CDH13: variants seen among roughly 807,000 people sequenced by gnomAD.
The protein encoded by CDH13 is cadherin 13.
Under a neutral mutation model 63.8 loss-of-function variants are expected in CDH13, and 24 were observed. That is an observed-to-expected ratio of 0.38 (90% CI 0.27 to 0.53). The LOEUF is 0.53. CDH13 is among the 20% of genes least tolerant of loss of function. CDH13 has a pLI of 0.85. For synonymous variants in CDH13, 503 were observed against 355.3 expected (o/e 1.42, Z -4.67); for missense variants, 1,049 against 903.1 (o/e 1.16, Z -2.07).
intron 4 of CDH13, among the ~76,000 whole-genome samples, chr16:83,202,320 A>G (rs1018573073): frequency 1.3e-5 from 2 of 152,196 alleles, no homozygotes; most frequent in African/African-American, 4.8e-5. Context: ...GGACAAACTC[A>G]GCAAAAGTTG....
chr16:82,842,419 C>A (rs1019681433), intron 1 of CDH13, among the ~76,000 whole-genome samples: 3 of 151,676 alleles, frequency 2.0e-5, no homozygotes, highest in Non-Finnish European at 4.4e-5. Flanking sequence ...ATTTGTAGTT[C>A]TTCACACTGT....
Position 83,131,460 on chromosome 16 carries a change from G to A in CDH13, c.483+5959G>A, listed in dbSNP as rs558238324. 2.6e-5 allele frequency among the ~76,000 whole-genome samples: 4 copies of A among 152,220 alleles called. No homozygotes were observed. In the East Asian group the frequency reaches 7.7e-4, roughly 29 times the overall value. The stretch of plus-strand genomic sequence containing the variant: ...AGAGGAACATGCAGATCCCAAAGTG[G>A]CTTTTTCCCCTCCCCCTTCAAAGTA... On this transcript the variant is annotated intron_variant, in intron 4 of 13. Coordinates refer to ENST00000567109, the MANE Select transcript of CDH13 (RefSeq NM_001257.5).
intron 1 of CDH13, among the ~76,000 whole-genome samples, chr16:82,816,824 G>GA (rs2037740046): frequency 7.0e-6 from 1 of 143,370 alleles, no homozygotes; most frequent in South Asian, 2.5e-4. Flanking sequence ...GGGTGGGGGG[G>GA]AATGACTCAT....
chr16:82,869,868 C>G (rs2040283961), intron 2 of CDH13, among the ~76,000 whole-genome samples: 1 of 152,156 alleles, frequency 6.6e-6, no homozygotes, highest in African/African-American at 2.4e-5. Context: ...AACTGAAACT[C>G]TGAAACGACT....
At position 82,697,382 on chromosome 16, in the gene CDH13, T is replaced by C. The variant is rs569123889; in HGVS notation, c.45+70245T>C. 5.4e-5 allele frequency among the ~76,000 whole-genome samples: 8 copies of C among 148,116 alleles called. No individual in the cohort carries two copies. In the South Asian group the frequency reaches 1.8e-3, roughly 33 times the overall value. On this transcript the variant is annotated intron_variant, in intron 1 of 13. Coordinates refer to ENST00000567109, the MANE Select transcript of CDH13 (RefSeq NM_001257.5). ...TCTCACCCCAGACTATCCTCCAACA[T>C]CCTTTAATCACCTTTAAGGGGGCCA... is the stretch of plus-strand genomic sequence containing the variant.
chr16:83,052,827 G>A (rs1318691278), intron 3 of CDH13, among the ~76,000 whole-genome samples: 6 of 137,712 alleles, frequency 4.4e-5, no homozygotes, highest in Non-Finnish European at 1.6e-5. Flanking sequence ...ACCTTAAATA[G>A]CAAAATAGAA....
chr16:82,746,559 C>T (rs954342232), intron 1 of CDH13, among the ~76,000 whole-genome samples: 12 of 151,688 alleles, frequency 7.9e-5, no homozygotes, highest in African/African-American at 2.7e-4. Flanking sequence ...GACTTTATGC[C>T]TTCATAACTA....
chr16:83,067,823 C>T (rs1419151940), intron 3 of CDH13, among the ~76,000 whole-genome samples: 1 of 152,142 alleles, frequency 6.6e-6, no homozygotes, highest in Non-Finnish European at 1.5e-5. Flanking sequence ...CTGCCCCTCT[C>T]TTCTTCTCTC....
At chr16:83,713,721 C>G (rs1324668743) in intron 10 of CDH13, among the ~76,000 whole-genome samples, 1 of 152,016 alleles carries the variant, frequency 6.6e-6, no homozygotes, top group African/African-American at 2.4e-5. Flanking sequence ...AACCAGAACT[C>G]GATCTGAGGG....
chr16:83,299,515 C>A (rs745812370), intron 5 of CDH13, among the ~76,000 whole-genome samples: 3 of 152,190 alleles, frequency 2.0e-5, no homozygotes, highest in Non-Finnish European at 4.4e-5. Context: ...TGTCATTCAT[C>A]CTCACTAGAG....
Position 83,065,705 on chromosome 16 carries a change from AAAAAAAAC to A in CDH13, c.366+33511_366+33518del, listed in dbSNP as rs1171806712. On this transcript the variant is annotated intron_variant, in intron 3 of 13. Transcript: ENST00000567109. The stretch of plus-strand genomic sequence containing the variant: ...GGGTGACAGAACGAGATTTGTCTCA[AAAAAAAAC>A]AAAAAAACAAAAAAACAAAAAAAAA... Among the ~76,000 whole-genome samples the A allele has an allele frequency of 1.5e-3, 181 of 123,884 alleles. 1 individual carries two copies. The highest frequency in any genetic ancestry group is 1.9e-3 in the East Asian group (8 of 4,120). The allele number at this position is 123,884 out of a possible 152,430, so 81.3% of individuals were successfully genotyped here.
chr16:83,328,057 C>T (rs1011895189), intron 5 of CDH13, among the ~76,000 whole-genome samples: 1 of 151,286 alleles, frequency 6.6e-6, no homozygotes, highest in Non-Finnish European at 1.5e-5. Flanking sequence ...GGCGTGGACC[C>T]AGGAGGCGGA....
chr16:83,783,505 C>G, intron 13 of CDH13, 33 bp downstream of exon 13: 1 of 1,540,592 alleles, frequency 6.5e-7, no homozygotes, highest in East Asian at 2.2e-5. Flanking sequence ...CATGCACAAA[C>G]AGGAAATTGT....
At position 83,486,471 on chromosome 16, in the gene CDH13, C is replaced by T. The variant is rs368913808; in HGVS notation, c.782-6C>T. ...CATTCCGTGCCTTTCTGTCTTGCCC[C>T]GGTAGGCACCACAGTGATGCGGATG... On this transcript the variant is annotated splice_polypyrimidine_tract_variant and splice_region_variant and intron_variant, in intron 6 of 13. Transcript: ENST00000567109. 9.9e-6 allele frequency: 16 copies of T among 1,610,204 alleles called. No individual in the cohort carries two copies. The highest frequency in any genetic ancestry group is 6.7e-5 in the Admixed American group (4 of 59,932).
chr16:83,501,195 C>T (rs1207062253), intron 7 of CDH13, among the ~76,000 whole-genome samples: 1 of 152,190 alleles, frequency 6.6e-6, no homozygotes, highest in South Asian at 2.1e-4. Flanking sequence ...TTATATGTTT[C>T]TAAGACAGCC....
At chr16:83,355,524 C>G (rs922764666) in intron 6 of CDH13, among the ~76,000 whole-genome samples, 10 of 152,204 alleles carry the variant, frequency 6.6e-5, no homozygotes, top group Non-Finnish European at 1.5e-5. Context: ...GAACAAATGG[C>G]TCCAAAGGCC....
At chr16:82,916,358 G>A (rs755421651) in intron 2 of CDH13, among the ~76,000 whole-genome samples, 15 of 152,134 alleles carry the variant, frequency 9.9e-5, no homozygotes, top group Non-Finnish European at 1.9e-4. Context: ...AGTGGATGAC[G>A]AGGTTAGGAG....
At position 82,673,001 on chromosome 16, in the gene CDH13, T is replaced by TTTTTTC. The variant is rs1254478915; in HGVS notation, c.45+45869_45+45870insCTTTTT. Among the ~76,000 whole-genome samples, 340 of 101,310 alleles carry TTTTTTC rather than the reference T, an allele frequency of 3.4e-3. 19 individuals carry two copies. The East Asian group carries it at 0.047, about 14-fold the overall frequency. The allele number at this position is 101,310 out of a possible 152,430, so 66.5% of individuals were successfully genotyped here. On this transcript the variant is annotated intron_variant, in intron 1 of 13. Transcript: ENST00000567109. ...ATGGCTAATTTTTATAAAGTTTTCT[T>TTTTTTC]TTTTTTTTTTTTTTTTTTGTAGAGA...
At chr16:83,158,137 G>A (rs2037292679) in intron 4 of CDH13, among the ~76,000 whole-genome samples, 1 of 152,040 alleles carries the variant, frequency 6.6e-6, no homozygotes, top group Admixed American at 6.5e-5. Flanking sequence ...AGATCAGGAA[G>A]AGTCCCTTCC....
Sources: allele counts gnomAD v4.1 joint callset (sites outside exome capture counted in the v4.1 genomes callset), GRCh38; gene constraint gnomAD v4.1.1; transcripts MANE v1.5; gene names NCBI Gene and HGNC (gene_info 2026-07-23, HGNC 2026-07-21).